Variants in DCC observed in about 807,000 individuals in gnomAD.
DCC encodes the protein DCC netrin 1 receptor.
DCC carries 58 observed loss-of-function variants against 172.5 expected under a neutral mutation model. The ratio of observed to expected loss-of-function variants is 0.34; its 90% CI spans 0.27 to 0.42. The LOEUF is 0.42. Ranked by LOEUF, DCC falls within the 10% of genes least tolerant of loss-of-function variation. DCC has a pLI of 1.00. For missense variants in DCC, 1,740 were observed against 1,791.0 expected (o/e 0.97, Z 0.51); for synonymous variants, 709 against 644.5 (o/e 1.10, Z -1.52).
At chr18:53,263,741 T>C (rs1484064900) in intron 12 of DCC, among the ~76,000 whole-genome samples, 5 of 152,046 alleles carry the variant, frequency 3.3e-5, no homozygotes, top group Non-Finnish European at 5.9e-5. Flanking sequence ...GTCAATCATA[T>C]ACTTACTGGA....
intron 1 of DCC, among the ~76,000 whole-genome samples, chr18:52,452,404 T>G (rs1311990506): frequency 6.6e-6 from 1 of 152,250 alleles, no homozygotes; most frequent in African/African-American, 2.4e-5. Flanking sequence ...AGTTCTGTGT[T>G]CTTCCTATCC....
At chr18:53,052,439 A>G (rs2042346158) in intron 5 of DCC, among the ~76,000 whole-genome samples, 1 of 150,818 alleles carries the variant, frequency 6.6e-6, no homozygotes, top group Admixed American at 6.6e-5. Flanking sequence ...TGTTGGCTGT[A>G]TTATGTTTCT....
chr18:53,093,503 A>G (rs2043042847), intron 7 of DCC, among the ~76,000 whole-genome samples: 1 of 152,192 alleles, frequency 6.6e-6, no homozygotes, highest in Non-Finnish European at 1.5e-5. Context: ...AGCTCATGAC[A>G]TGTTTTGAAC....
At chr18:52,922,660 G>A (rs1048758859) in intron 3 of DCC, among the ~76,000 whole-genome samples, 15 of 152,140 alleles carry the variant, frequency 9.9e-5, no homozygotes, top group African/African-American at 3.4e-4. Flanking sequence ...TGAAAACACA[G>A]CATCTTGTCT....
At chr18:52,523,803 G>A (rs893744546) in intron 1 of DCC, among the ~76,000 whole-genome samples, 4 of 152,176 alleles carry the variant, frequency 2.6e-5, no homozygotes, top group African/African-American at 9.7e-5. Flanking sequence ...AATTTTTAAA[G>A]TTTGTTTATT....
At chr18:52,963,658 G>GA (rs369511938) in intron 5 of DCC, among the ~76,000 whole-genome samples, 265 of 152,144 alleles carry the variant, frequency 1.7e-3, no homozygotes, top group African/African-American at 6.1e-3. Context: ...AATGCACAGG[G>GA]AAAAATACCT....
At chr18:52,717,144 C>T (rs947460747) in intron 1 of DCC, among the ~76,000 whole-genome samples, 2 of 152,062 alleles carry the variant, frequency 1.3e-5, no homozygotes, top group African/African-American at 2.4e-5. Context: ...GCAGATTGAC[C>T]GAGAGTTGTC....
Position 53,410,655 on chromosome 18 carries a change from A to G in DCC, c.3130+9A>G. 6.6e-7 allele frequency: 1 copy of G among 1,515,224 alleles called. No individual in the cohort carries two copies. Among genetic ancestry groups the G allele is most frequent in the African/African-American group, 1.4e-5 (1 of 73,888 alleles). 93.9% of individuals were successfully genotyped at this position (1,515,224 alleles called of 1,614,324 possible). A position where few individuals can be genotyped will look rare whatever the true frequency, so the allele number is the denominator to read the frequency against. On this transcript the variant is annotated intron_variant, in intron 20 of 28. Transcript: ENST00000442544. The stretch of plus-strand genomic sequence containing the variant: ...CTTCAGGACTCTGAAAGGTTTGAAT[A>G]ATTTCCTATTATGCTTTTCTTTTCC...
chr18:53,153,530 TC>T (rs1320225084), intron 7 of DCC, among the ~76,000 whole-genome samples: 1 of 152,196 alleles, frequency 6.6e-6, no homozygotes, highest in East Asian at 1.9e-4. Flanking sequence ...TAAAGTGGTC[TC>T]CGATAGAATT....
intron 1 of DCC, among the ~76,000 whole-genome samples, chr18:52,344,273 A>T (rs185108992): frequency 1.1e-4 from 16 of 152,358 alleles, no homozygotes; most frequent in African/African-American, 3.6e-4. Context: ...GCTAGAGTAC[A>T]GGATATTTGC....
chr18:53,150,821 G>T (rs1312276340), intron 7 of DCC, among the ~76,000 whole-genome samples: 1 of 152,188 alleles, frequency 6.6e-6, no homozygotes, highest in African/African-American at 2.4e-5. Context: ...TAGCAAGGAG[G>T]CTGTTCTGAA....
intron 14 of DCC, among the ~76,000 whole-genome samples, chr18:53,329,604 A>G (rs1229351338): frequency 6.6e-6 from 1 of 152,158 alleles, no homozygotes; most frequent in Admixed American, 6.5e-5. Flanking sequence ...TATAAAAGAC[A>G]TGAGTAAATA....
At chr18:52,804,795 G>T (rs1177996046) in intron 2 of DCC, among the ~76,000 whole-genome samples, 3 of 152,112 alleles carry the variant, frequency 2.0e-5, no homozygotes, top group African/African-American at 7.2e-5. Flanking sequence ...TGTTGGCCAG[G>T]ATGATGTCGA....
At chr18:53,406,476 G>A (rs181804135) in intron 19 of DCC, among the ~76,000 whole-genome samples, 372 of 151,836 alleles carry the variant, frequency 2.5e-3, no homozygotes, top group African/African-American at 8.7e-3. Context: ...AGACCAAGGT[G>A]GGAGGATCAC....
chr18:52,483,011 T>C (rs2030031666), intron 1 of DCC, among the ~76,000 whole-genome samples: 1 of 152,128 alleles, frequency 6.6e-6, no homozygotes, highest in Non-Finnish European at 1.5e-5. Flanking sequence ...ATGCTCTCCC[T>C]CGAAGGCTCC....
intron 2 of DCC, among the ~76,000 whole-genome samples, chr18:52,882,835 G>A (rs187670463): frequency 3.2e-4 from 49 of 152,178 alleles, no homozygotes; most frequent in East Asian, 1.9e-4. Flanking sequence ...TGGAGGATCC[G>A]TCCAATGCTG....
At chr18:52,979,529 G>A (rs77725854) in intron 5 of DCC, among the ~76,000 whole-genome samples, 5,372 of 152,278 alleles carry the variant, frequency 0.035, 126 homozygotes, top group African/African-American at 0.054. Flanking sequence ...CTCAGTCAGA[G>A]TATTCTTCAA....
At chr18:52,358,910 T>A (rs2144264420) in intron 1 of DCC, among the ~76,000 whole-genome samples, 1 of 152,312 alleles carries the variant, frequency 6.6e-6, no homozygotes, top group African/African-American at 2.4e-5. Flanking sequence ...TATTACTATG[T>A]CCACTGACAA....
chr18:52,494,313 T>A (rs866884165), intron 1 of DCC, among the ~76,000 whole-genome samples: 16 of 151,228 alleles, frequency 1.1e-4, no homozygotes, highest in African/African-American at 3.4e-4. Context: ...TGTGCATAGG[T>A]GTGTGTTGGT....
Sources: gnomAD v4.1 joint callset for allele counts (sites outside exome capture counted in the v4.1 genomes callset) on GRCh38, gnomAD v4.1.1 for gene constraint, MANE v1.5 for transcripts, NCBI Gene and HGNC (gene_info 2026-07-23, HGNC 2026-07-21) for gene names.